RFX6: variants seen among roughly 807,000 people sequenced by gnomAD.
RFX6 encodes DNA-binding protein RFX6.
A neutral mutation model predicts 110.8 loss-of-function variants in RFX6; 50 were observed. That is an observed-to-expected ratio of 0.45 (90% CI 0.36 to 0.57). The LOEUF is 0.57. RFX6 is among the 20% of genes least tolerant of loss of function. The pLI, the probability that RFX6 is intolerant of heterozygous loss-of-function variation, is 0.00. For synonymous variants in RFX6, 383 were observed against 411.2 expected, an observed-to-expected ratio of 0.93 and a Z score of 0.83; for missense variants, 990 against 1,127.0, an observed-to-expected ratio of 0.88 and a Z score of 1.74.
intron 12 of RFX6, among the ~76,000 whole-genome samples, chr6:116,921,672 A>C (rs1393976655): frequency 6.8e-6 from 1 of 147,078 alleles, no homozygotes; most frequent in East Asian, 2.0e-4. Context: ...TTTTTTTTTA[A>C]TTTAGGCAGG....
At chr6:116,929,113 AT>A in intron 18 of RFX6, 142 bp downstream of exon 18, 1 of 691,868 alleles carries the variant, frequency 1.4e-6, no homozygotes. Flanking sequence ...CTAAAGTTAT[AT>A]TTTTTGTATC....
chr6:116,911,560 A>G (rs1333718090), intron 7 of RFX6, among the ~76,000 whole-genome samples: 2 of 152,160 alleles, frequency 1.3e-5, no homozygotes, highest in East Asian at 1.9e-4. Flanking sequence ...AATCATTTTC[A>G]TTGGGATTCA....
chr6:116,883,427 A>G (rs1774634718), intron 4 of RFX6, among the ~76,000 whole-genome samples: 2 of 152,254 alleles, frequency 1.3e-5, no homozygotes, highest in South Asian at 4.1e-4. Flanking sequence ...GCACTGATCA[A>G]TGAAAGTATA....
At chr6:116,895,645 TACAC>T (rs146991192) in intron 6 of RFX6, among the ~76,000 whole-genome samples, 4,989 of 147,882 alleles carry the variant, frequency 0.034, 152 homozygotes, top group African/African-American at 0.082. Flanking sequence ...CTACTTTGTG[TACAC>T]ACACACACAC....
At chr6:116,880,776 T>G in intron 3 of RFX6, 109 bp downstream of exon 3, 1 of 1,225,656 alleles carries the variant, frequency 8.2e-7, no homozygotes, top group Non-Finnish European at 1.2e-6. Flanking sequence ...TTGAGACATT[T>G]GTTTTGCAGG....
At chr6:116,881,727 TC>T (rs1188933084) in intron 3 of RFX6, among the ~76,000 whole-genome samples, 1 of 152,040 alleles carries the variant, frequency 6.6e-6, no homozygotes, top group Non-Finnish European at 1.5e-5. Flanking sequence ...TGTTTGGCAG[TC>T]ATGAAGCACC....
At chr6:116,904,609 C>T (rs989711734) in intron 6 of RFX6, among the ~76,000 whole-genome samples, 1 of 152,066 alleles carries the variant, frequency 6.6e-6, no homozygotes, top group African/African-American at 2.4e-5. Flanking sequence ...CACCACCATC[C>T]ACCTTCAGAA....
intron 6 of RFX6, among the ~76,000 whole-genome samples, chr6:116,900,497 T>C (rs1775044716): frequency 6.6e-6 from 1 of 152,118 alleles, no homozygotes; most frequent in Admixed American, 6.5e-5. Context: ...TCAGGTGATC[T>C]GCCTACCTCA....
chr6:116,907,377 T>G (rs1775228863), intron 6 of RFX6, among the ~76,000 whole-genome samples: 1 of 152,126 alleles, frequency 6.6e-6, no homozygotes. Context: ...CCTCATAGAA[T>G]AAGTTACAAA....
chr6:116,898,697 C>T (rs1022921650), intron 6 of RFX6, among the ~76,000 whole-genome samples: 5 of 152,008 alleles, frequency 3.3e-5, no homozygotes, highest in African/African-American at 1.2e-4. Context: ...AGGGTAAGTT[C>T]GGATGCAAGC....
Position 116,931,336 on chromosome 6 carries a change from A to G in RFX6, c.2617A>G (p.Ser873Gly), listed in dbSNP as rs772541009. The G allele has an allele frequency of 2.5e-6, 4 of 1,610,018 alleles. No individual in the cohort carries two copies. The highest frequency in any genetic ancestry group is 2.6e-6 in the Non-Finnish European group (3 of 1,176,416). ...VACRTPVLAS[S>G]LQTPIPSSSS... ...GATTATATTTTCCCTTACAGCTTCC[A>G]GTTTGCAAACCCCAATTCCTTCTTC... Residue 873 changes from serine to glycine, a missense_variant, in exon 19 of 19, where the codon AGT (serine) becomes GGT (glycine). Ser to Gly is a moderately conservative substitution (Grantham distance 56, BLOSUM62 0). Around this residue, in one of 5 missense-constraint regions of RFX6, gnomAD observed 438 missense variants for 441.9 expected, o/e 0.99. Coordinates refer to ENST00000332958, the MANE Select transcript of RFX6 (RefSeq NM_173560.4).
At position 116,906,291 on chromosome 6, in the gene RFX6, A is replaced by C. The variant is rs185780798; in HGVS notation, c.673-4644A>C. On this transcript the variant is annotated intron_variant, in intron 6 of 18. Transcript: ENST00000332958. Reference sequence around the variant, plus strand: ...TACTGTAACTTTATAGTACGTTTGAAATCAGGAAGTCTTCTCTGACTTTGT... The same window carrying C: ...TACTGTAACTTTATAGTACGTTTGACATCAGGAAGTCTTCTCTGACTTTGT... Among the ~76,000 whole-genome samples, 406 of 152,284 alleles carry C rather than the reference A, an allele frequency of 2.7e-3. 2 individuals are homozygous for C. Among genetic ancestry groups the C allele is most frequent in the African/African-American group, 9.2e-3 (383 of 41,576 alleles).
chr6:116,898,134 G>A (rs1018708710), intron 6 of RFX6, among the ~76,000 whole-genome samples: 3 of 152,154 alleles, frequency 2.0e-5, no homozygotes, highest in African/African-American at 7.2e-5. Flanking sequence ...ATGCTCAGAT[G>A]GTGCTGAAAA....
intron 4 of RFX6, among the ~76,000 whole-genome samples, chr6:116,885,422 T>TAC (rs150778763): frequency 2.0e-5 from 3 of 151,756 alleles, no homozygotes; most frequent in Non-Finnish European, 4.4e-5. Flanking sequence ...TACTGAGTAT[T>TAC]ACACACACAC....
At chr6:116,900,505 T>A (rs1775044914) in intron 6 of RFX6, among the ~76,000 whole-genome samples, 1 of 152,182 alleles carries the variant, frequency 6.6e-6, no homozygotes, top group Non-Finnish European at 1.5e-5. Flanking sequence ...TCTGCCTACC[T>A]CAGCCTTCCA....
chr6:116,903,337 G>A (rs1775118210), intron 6 of RFX6, among the ~76,000 whole-genome samples: 4 of 151,906 alleles, frequency 2.6e-5, no homozygotes, highest in Non-Finnish European at 5.9e-5. Flanking sequence ...ACCAATATGA[G>A]AGTTTTTAAA....
At position 116,877,340 on chromosome 6, in the gene RFX6, C is replaced by T. The variant is rs1457024743; in HGVS notation, c.65C>T (p.Pro22Leu). 2 of 1,612,888 alleles carry T rather than the reference C, an allele frequency of 1.2e-6. No individual in the cohort carries two copies. Among genetic ancestry groups the T allele is most frequent in the South Asian group, 2.2e-5 (2 of 90,826 alleles). The change falls in exon 1 of 19, where the codon CCG (proline) becomes CTG (leucine). Residue 22 changes from proline to leucine, a missense_variant. By Grantham distance (98) the Pro-to-Leu change is moderately conservative. Transcript: ENST00000332958. ...LQAQPAPQLS[P>L]GIQEDCCVQL... The stretch of plus-strand genomic sequence containing the variant: ...GCGCAGCCTGCGCCCCAACTGTCCC[C>T]GGGGATCCAGGAAGACTGCTGTGTG...
chr6:116,900,647 A>C (rs1775048627), intron 6 of RFX6, among the ~76,000 whole-genome samples: 1 of 152,168 alleles, frequency 6.6e-6, no homozygotes. Flanking sequence ...AAAATAAAAT[A>C]GGTAAATTTC....
At chr6:116,886,762 A>G (rs144481918) in intron 4 of RFX6, among the ~76,000 whole-genome samples, 1 of 152,112 alleles carries the variant, frequency 6.6e-6, no homozygotes, top group South Asian at 2.1e-4. Context: ...TAAAACAGAT[A>G]TATTAAAACA....
Sources: gnomAD v4.1 joint callset for allele counts (sites outside exome capture counted in the v4.1 genomes callset) on GRCh38, gnomAD v4.1.1 for gene constraint, gnomAD v4.1.1 regional missense constraint, MANE v1.5 for transcripts, NCBI Gene and HGNC (gene_info 2026-07-23, HGNC 2026-07-21) for gene names.